Variants in PDZD8 observed in about 807,000 individuals in gnomAD.
PDZD8 encodes the protein PDZ domain containing 8.
A neutral mutation model predicts 85.8 loss-of-function variants in PDZD8; 14 were observed. The observed-to-expected ratio is 0.16, with a 90% CI of 0.11 to 0.26. PDZD8 has a LOEUF of 0.26. PDZD8 is among the 10% of genes least tolerant of loss of function. The probability of loss-of-function intolerance (pLI) is 1.00; values close to 1 mark genes in which losing one functional copy is unlikely to be tolerated. For synonymous variants in PDZD8, 592 were observed against 568.6 expected (o/e 1.04, Z -0.59); for missense variants, 1,197 against 1,424.3 (o/e 0.84, Z 2.57).
chr10:117,374,712 C>T lies in PDZD8; in HGVS notation c.516G>A (p.Gly172=), dbSNP rs758284005. ...CCTCCCCTTCAGGGCCATCGGGCTCCCCGGTGGCCGAGGGCACGACTGGCC... is the reference window on the plus strand; with the variant it reads ...CCTCCCCTTCAGGGCCATCGGGCTCTCCGGTGGCCGAGGGCACGACTGGCC... ...LVRPVVPSAT[G]EPDGPEGEAL... Residue 172 remains glycine, a synonymous_variant, in exon 1 of 5, where the codon GGG becomes GGA. Transcript: ENST00000334464. The surrounding 1 kb of genome is among the most constrained non-coding windows in gnomAD (Gnocchi z 7.8). The T allele has an allele frequency of 3.7e-6, 6 of 1,607,370 alleles. No homozygotes were observed. Among genetic ancestry groups the T allele is most frequent in the African/African-American group, 2.7e-5 (2 of 74,870 alleles).
rs1844601571 is a variant in PDZD8 at position 117,283,445 on chromosome 10, T to C, written c.3288A>G (p.Ala1096=). The change falls in exon 5 of 5, where the codon GCA becomes GCG. Residue 1096 remains alanine, a synonymous_variant. Transcript: ENST00000334464. ...CTAAAGTTTCTATATCTTCAATGCC[T>C]GCTCTGTAGTGAATCATAAGAAGTG... ...ALTLLMIHYR[A]GIEDIETLES... 6 of 1,614,084 alleles carry C rather than the reference T, an allele frequency of 3.7e-6. No homozygotes were observed. In the East Asian group the frequency reaches 1.3e-4, roughly 36 times the overall value.
intron 4 of PDZD8, 47 bp downstream of exon 4, chr10:117,290,139 G>A (rs1484466421): frequency 6.7e-7 from 1 of 1,501,402 alleles, no homozygotes; most frequent in African/African-American, 1.4e-5. Context: ...CACCTACTTT[G>A]TAGTTTATCT....
chr10:117,284,854 G>T lies in PDZD8; in HGVS notation c.1879C>A (p.Leu627Ile), dbSNP rs1444419619. Reference protein sequence around the residue: ...EKPEKVVPPPLVDKSAEKQAK... With the variant: ...EKPEKVVPPPIVDKSAEKQAK... Reference sequence around the variant, plus strand: ...TGCTTTTCAGCAGATTTATCTACAAGAGGAGGTGGCACCACCTTCTCTGGC... The same window carrying T: ...TGCTTTTCAGCAGATTTATCTACAATAGGAGGTGGCACCACCTTCTCTGGC... The change falls in exon 5 of 5, where the codon CTT becomes ATT. Residue 627 changes from leucine to isoleucine, a missense_variant. Around this residue, in one of 4 missense-constraint regions of PDZD8, gnomAD observed 263 missense variants for 261.9 expected, o/e 1.00. Transcript: ENST00000334464. 1 of 1,614,080 alleles carries T rather than the reference G, an allele frequency of 6.2e-7. No individual in the cohort carries two copies. Among genetic ancestry groups the T allele is most frequent in the African/African-American group, 1.3e-5 (1 of 74,922 alleles).
At chr10:117,293,094 A>AAAATG (rs1844798353) in intron 3 of PDZD8, among the ~76,000 whole-genome samples, 1 of 152,124 alleles carries the variant, frequency 6.6e-6, no homozygotes, top group Admixed American at 6.5e-5. Context: ...AAAGCATTTT[A>AAAATG]AAATGAGTAT....
At chr10:117,369,226 T>C (rs912296532) in intron 1 of PDZD8, among the ~76,000 whole-genome samples, 2 of 152,134 alleles carry the variant, frequency 1.3e-5, no homozygotes, top group African/African-American at 4.8e-5. Context: ...TGGTATGATC[T>C]CGGCTTGCAG....
intron 1 of PDZD8, among the ~76,000 whole-genome samples, chr10:117,349,531 G>A (rs2038525822): frequency 6.6e-6 from 1 of 152,180 alleles, no homozygotes; most frequent in African/African-American, 2.4e-5. Flanking sequence ...GGCCAGGTGT[G>A]GTGGCTCATG....
chr10:117,330,635 T>C (rs1054761859), intron 2 of PDZD8, among the ~76,000 whole-genome samples: 10 of 152,232 alleles, frequency 6.6e-5, no homozygotes, highest in African/African-American at 2.4e-4. Flanking sequence ...TTCTTGTTCC[T>C]ATTAAAACAT....
intron 1 of PDZD8, among the ~76,000 whole-genome samples, chr10:117,373,698 C>A (rs1161084344): frequency 6.6e-6 from 1 of 151,106 alleles, no homozygotes; most frequent in African/African-American, 2.4e-5. Context: ...GAGAATCGCT[C>A]GAACCTGGGA....
chr10:117,309,673 G>A (rs753796196), intron 3 of PDZD8, among the ~76,000 whole-genome samples: 46 of 151,892 alleles, frequency 3.0e-4, no homozygotes, highest in Non-Finnish European at 5.3e-4. Flanking sequence ...ACTTTTTCAG[G>A]TCTTTACCCT....
chr10:117,310,310 A>T (rs1844014390), intron 3 of PDZD8, among the ~76,000 whole-genome samples: 1 of 152,166 alleles, frequency 6.6e-6, no homozygotes, highest in Admixed American at 6.6e-5. Flanking sequence ...GGAACCTCAC[A>T]GTACTACTGA....
At chr10:117,295,257 C>G (rs1452320353) in intron 3 of PDZD8, among the ~76,000 whole-genome samples, 1 of 152,132 alleles carries the variant, frequency 6.6e-6, no homozygotes, top group African/African-American at 2.4e-5. Context: ...ATAAGCATGT[C>G]TCTTTGCAAT....
At chr10:117,357,984 G>A (rs958589461) in intron 1 of PDZD8, among the ~76,000 whole-genome samples, 2 of 151,986 alleles carry the variant, frequency 1.3e-5, no homozygotes, top group African/African-American at 2.4e-5. Flanking sequence ...ATGGGATTAA[G>A]GAGGAAGGGG....
At chr10:117,326,732 C>T (rs1011703036) in intron 2 of PDZD8, among the ~76,000 whole-genome samples, 2 of 152,184 alleles carry the variant, frequency 1.3e-5, no homozygotes, top group Non-Finnish European at 2.9e-5. Flanking sequence ...CTCATTCTCT[C>T]TCCTTGTTTT....
At chr10:117,304,464 T>C (rs1236464726) in intron 3 of PDZD8, among the ~76,000 whole-genome samples, 2 of 152,178 alleles carry the variant, frequency 1.3e-5, no homozygotes, top group South Asian at 2.1e-4. Context: ...TTTGGGTTAA[T>C]GCTGAAATGA....
chr10:117,333,125 A>AACAAAAC (rs1300095435), intron 2 of PDZD8, among the ~76,000 whole-genome samples: 1 of 144,730 alleles, frequency 6.9e-6, no homozygotes, highest in African/African-American at 2.6e-5. Context: ...CTCAAAAAAA[A>AACAAAAC]AAAAAAAAAA....
At chr10:117,294,342 A>C (rs539235918) in intron 3 of PDZD8, among the ~76,000 whole-genome samples, 21 of 135,760 alleles carry the variant, frequency 1.5e-4, no homozygotes, top group African/African-American at 4.6e-4. Flanking sequence ...AAAAAAAAAA[A>C]AAACAAAAAA....
rs1455211519 is a variant in PDZD8 at position 117,284,670 on chromosome 10, T to C, written c.2063A>G (p.Asn688Ser). ...TWESSEILYRNKLGKWTRTRA... is the reference protein window; with the variant it reads ...TWESSEILYRSKLGKWTRTRA... ...GGTTCTTGTCCATTTTCCTAGCTTA[T>C]TACGATAAAGAATTTCTGATGATTC... The change falls in exon 5 of 5, where the codon AAT becomes AGT. Residue 688 changes from asparagine to serine, a missense_variant. Asn to Ser is a conservative substitution (Grantham distance 46). Around this residue, in one of 4 missense-constraint regions of PDZD8, gnomAD observed 418 missense variants for 571.1 expected, o/e 0.73. Transcript: ENST00000334464. 2 of 1,614,072 alleles carry C rather than the reference T, an allele frequency of 1.2e-6. No homozygotes were observed. Among genetic ancestry groups the C allele is most frequent in the Admixed American group, 3.3e-5 (2 of 60,006 alleles).
At position 117,283,420 on chromosome 10, in the gene PDZD8, C is replaced by A; in HGVS notation, c.3313G>T (p.Glu1105Ter). 6.2e-7 allele frequency: 1 copy of A among 1,614,088 alleles called. No individual in the cohort carries two copies. The highest frequency in any genetic ancestry group is 1.3e-5 in the African/African-American group (1 of 75,044). ...RAGIEDIETL[E>*]SLSLDQHSKK... The stretch of plus-strand genomic sequence containing the variant: ...GAGTGCTGGTCTAAAGACAGACTTT[C>A]TAAAGTTTCTATATCTTCAATGCCT... Residue 1105 changes from glutamate (E) to a stop codon, truncating the protein, a stop_gained, in exon 5 of 5, where the codon GAA (glutamate) becomes TAA (stop). Transcript: ENST00000334464. LOFTEE classifies it high-confidence loss of function.
chr10:117,360,452 GCCC>G (rs964489655), intron 1 of PDZD8, among the ~76,000 whole-genome samples: 10 of 151,820 alleles, frequency 6.6e-5, no homozygotes, highest in Non-Finnish European at 1.5e-5. Flanking sequence ...TTCTCTACCA[GCCC>G]CCCAACACAC....
Sources: gnomAD v4.1 joint callset for allele counts (sites outside exome capture counted in the v4.1 genomes callset) on GRCh38, gnomAD v4.1.1 for gene constraint, gnomAD v4.1.1 regional missense constraint, Gnocchi (gnomAD v3.1) non-coding constraint, MANE v1.5 for transcripts, NCBI Gene and HGNC (gene_info 2026-07-23, HGNC 2026-07-21) for gene names.